Variants in GNAQ observed in about 807,000 individuals in gnomAD.
The protein encoded by GNAQ is G protein subunit alpha q.
GNAQ carries 8 observed loss-of-function variants against 43.9 expected under a neutral mutation model. The ratio of observed to expected loss-of-function variants is 0.18; its 90% confidence interval spans 0.11 to 0.33. The LOEUF is 0.33. Among genes scored for constraint, GNAQ ranks in the 10% least tolerant of loss-of-function variants. The pLI is 1.00. For missense variants in GNAQ, 158 were observed against 450.8 expected (o/e 0.35, Z 5.88); for synonymous variants, 155 against 170.7 (o/e 0.91, Z 0.71).
rs1824054704 is a variant in GNAQ at position 78,031,229 on chromosome 9, G to C, written c.7C>G (p.Leu3Val). Reference sequence around the variant, plus strand: ...AGGCAGCACGCCATGATGGACTCCAGAGTCATTCTTCCAAAGTGCCTCCGC... The same window carrying C: ...AGGCAGCACGCCATGATGGACTCCACAGTCATTCTTCCAAAGTGCCTCCGC... MT[L>V]ESIMACCLSE... The change falls in exon 1 of 7, where the codon CTG becomes GTG. Residue 3 changes from leucine to valine, a missense_variant. Physicochemically the swap from Leu to Val is conservative, Grantham distance 32. This residue lies in a region of GNAQ where 12 missense variants were observed against 18.9 expected (regional missense o/e 0.64). Coordinates refer to ENST00000286548, the MANE Select transcript of GNAQ (RefSeq NM_002072.5). The C allele has an allele frequency of 6.6e-7, 1 of 1,523,372 alleles. No homozygotes were observed. Among genetic ancestry groups the C allele is most frequent in the Admixed American group, 1.9e-5 (1 of 51,582 alleles). The allele number at this position is 1,523,372 out of a possible 1,614,324, so 94.4% of individuals were successfully genotyped here. A position where few individuals can be genotyped will look rare whatever the true frequency, so the allele number is the denominator to read the frequency against.
At chr9:77,804,819 T>A (rs1051685516) in intron 3 of GNAQ, among the ~76,000 whole-genome samples, 1 of 152,092 alleles carries the variant, frequency 6.6e-6, no homozygotes, top group African/African-American at 2.4e-5. Context: ...AGAAAATGAT[T>A]CTGGGTAGGT....
At chr9:77,794,623 CAT>C (rs1187195338) in intron 4 of GNAQ, 31 bp from the exon 5 acceptor site, 1 of 1,451,532 alleles carries the variant, frequency 6.9e-7, no homozygotes. Flanking sequence ...ATATTAATAA[CAT>C]ATAAAGTAAA....
At chr9:77,907,715 G>A (rs1828733435) in intron 2 of GNAQ, among the ~76,000 whole-genome samples, 1 of 152,156 alleles carries the variant, frequency 6.6e-6, no homozygotes, top group Non-Finnish European at 1.5e-5. Context: ...AATAATAGTG[G>A]TATCATGTAA....
rs1826808016 is a variant in GNAQ at position 77,805,157 on chromosome 9, A to G, written c.477-7509T>C. Among the ~76,000 whole-genome samples the G allele has an allele frequency of 8.5e-5, 13 of 152,274 alleles. No homozygotes were observed. In the South Asian group the frequency reaches 2.7e-3, roughly 32 times the overall value. On this transcript the variant is annotated intron_variant, in intron 3 of 6. Coordinates refer to ENST00000286548, the MANE Select transcript of GNAQ (RefSeq NM_002072.5). ...GGGAGAGTCAAGGAGAGGTTTTGGT[A>G]GCATAACCTACTCTAGTCCCTTCCT...
At chr9:77,912,535 G>A (rs758600905) in intron 2 of GNAQ, among the ~76,000 whole-genome samples, 9 of 151,944 alleles carry the variant, frequency 5.9e-5, no homozygotes, top group Admixed American at 1.3e-4. Flanking sequence ...TTATTAGAAG[G>A]GGAAAAAATT....
At chr9:77,975,803 T>C (rs1823294460) in intron 1 of GNAQ, among the ~76,000 whole-genome samples, 1 of 152,166 alleles carries the variant, frequency 6.6e-6, no homozygotes, top group Admixed American at 6.5e-5. Context: ...CCCAAAGTGC[T>C]GGGATTACAG....
intron 3 of GNAQ, among the ~76,000 whole-genome samples, chr9:77,803,696 A>G (rs1826782855): frequency 6.6e-6 from 1 of 152,212 alleles, no homozygotes. Flanking sequence ...AGGGTTACAT[A>G]AAAACAAGAA....
chr9:77,872,219 T>A (rs1828049672), intron 2 of GNAQ, among the ~76,000 whole-genome samples: 1 of 152,226 alleles, frequency 6.6e-6, no homozygotes. Context: ...TGTATTGTTG[T>A]TTGGTTGTAA....
intron 2 of GNAQ, among the ~76,000 whole-genome samples, chr9:77,839,158 A>G (rs978502557): frequency 2.0e-5 from 3 of 152,090 alleles, no homozygotes; most frequent in African/African-American, 7.2e-5. Context: ...GAACAGCAAT[A>G]TGTTGTTAGC....
intron 5 of GNAQ, among the ~76,000 whole-genome samples, chr9:77,790,650 C>T (rs1402086825): frequency 6.6e-6 from 1 of 152,192 alleles, no homozygotes; most frequent in Non-Finnish European, 1.5e-5. Flanking sequence ...GCAGGATTTT[C>T]ATTCTACTTC....
intron 5 of GNAQ, among the ~76,000 whole-genome samples, chr9:77,741,601 T>G (rs1278734844): frequency 1.3e-5 from 2 of 152,166 alleles, no homozygotes; most frequent in Non-Finnish European, 2.9e-5. Context: ...TCACTTAACT[T>G]TTAGTGTCAG....
At chr9:77,821,724 G>GGGGTGTGTGTGTGTGTGT (rs201504418) in intron 2 of GNAQ, among the ~76,000 whole-genome samples, 1 of 142,308 alleles carries the variant, frequency 7.0e-6, no homozygotes, top group African/African-American at 2.7e-5. Context: ...TCCTAGTATG[G>GGGGTGTGTGTGTGTGTGT]GTGTGTGTGT....
At chr9:77,768,233 A>G (rs955091936) in intron 5 of GNAQ, among the ~76,000 whole-genome samples, 4 of 152,204 alleles carry the variant, frequency 2.6e-5, no homozygotes, top group Non-Finnish European at 4.4e-5. Flanking sequence ...GAAGAATTCT[A>G]TGCACTTTTT....
chr9:78,004,658 C>G (rs1175457046), intron 1 of GNAQ, among the ~76,000 whole-genome samples: 1 of 152,042 alleles, frequency 6.6e-6, no homozygotes, highest in Non-Finnish European at 1.5e-5. Context: ...ATACCTCCTG[C>G]ACATATCAAA....
chr9:77,814,165 G>A (rs930141662), intron 3 of GNAQ, among the ~76,000 whole-genome samples: 2 of 152,054 alleles, frequency 1.3e-5, no homozygotes, highest in African/African-American at 2.4e-5. Context: ...AAAGGTTGAG[G>A]GGGCAGAATT....
chr9:77,890,768 T>C (rs990651697), intron 2 of GNAQ, among the ~76,000 whole-genome samples: 1 of 152,148 alleles, frequency 6.6e-6, no homozygotes, highest in Non-Finnish European at 1.5e-5. Flanking sequence ...CCATCAAAAA[T>C]GCATTGAGGA....
At chr9:77,954,272 G>C (rs1823015791) in intron 1 of GNAQ, among the ~76,000 whole-genome samples, 1 of 152,192 alleles carries the variant, frequency 6.6e-6, no homozygotes, top group Non-Finnish European at 1.5e-5. Flanking sequence ...AATTTGTTCA[G>C]CTCAACCATG....
At chr9:77,728,446 T>TC in intron 6 of GNAQ, 68 bp downstream of exon 6, 1 of 1,102,550 alleles carries the variant, frequency 9.1e-7, no homozygotes, top group Non-Finnish European at 1.4e-6. Context: ...GTGCGTTAAC[T>TC]CCCACACTGG....
At chr9:77,874,799 A>G (rs985431022) in intron 2 of GNAQ, among the ~76,000 whole-genome samples, 2 of 151,514 alleles carry the variant, frequency 1.3e-5, no homozygotes, top group Non-Finnish European at 2.9e-5. Flanking sequence ...TAATTTTTTG[A>G]ATTTTTAGTA....
Sources: gnomAD v4.1 joint callset for allele counts (sites outside exome capture counted in the v4.1 genomes callset) on GRCh38, gnomAD v4.1.1 for gene constraint, gnomAD v4.1.1 regional missense constraint, MANE v1.5 for transcripts, NCBI Gene and HGNC (gene_info 2026-07-23, HGNC 2026-07-21) for gene names.